GPR137C: variants seen among roughly 807,000 people sequenced by gnomAD.
GPR137C encodes the protein integral membrane protein GPR137C.
A neutral mutation model predicts 43.4 loss-of-function variants in GPR137C; 27 were observed. That is an observed-to-expected ratio of 0.62 (90% CI 0.46 to 0.86). The LOEUF is 0.86. Ranked by LOEUF, GPR137C falls within the 40% of genes least tolerant of loss-of-function variation. The pLI is 0.00. For synonymous variants in GPR137C, 285 were observed against 226.9 expected, an observed-to-expected ratio of 1.26 and a Z score of -2.30; for missense variants, 522 against 534.6, an observed-to-expected ratio of 0.98 and a Z score of 0.23.
At chr14:52,624,215 T>TTA (rs535260289) in intron 3 of GPR137C, among the ~76,000 whole-genome samples, 1 of 124,570 alleles carries the variant, frequency 8.0e-6, no homozygotes, top group Non-Finnish European at 1.7e-5. Flanking sequence ...AACCCATGGG[T>TTA]AAAAAAAAAA....
chr14:52,631,484 A>C (rs2039293672), intron 3 of GPR137C, among the ~76,000 whole-genome samples: 1 of 152,150 alleles, frequency 6.6e-6, no homozygotes, highest in African/African-American at 2.4e-5. Flanking sequence ...ATTGTATGGA[A>C]ATACAGACCC....
rs1024672873 is a variant in GPR137C at position 52,636,388 on chromosome 14, C to T, written c.*1273C>T. 6.6e-6 allele frequency: 1 copy of T among 152,012 alleles called. No homozygotes were observed. Among genetic ancestry groups the T allele is most frequent in the Non-Finnish European group, 1.5e-5 (1 of 67,954 alleles). 9.4% of individuals were successfully genotyped at this position (152,012 alleles called of 1,614,324 possible). Reference sequence around the variant, plus strand: ...TTTAAAATGCACTTTGTACCAGTGTCTATATGGAAAGAAGTAGATGCTGAA... The same window carrying T: ...TTTAAAATGCACTTTGTACCAGTGTTTATATGGAAAGAAGTAGATGCTGAA... On this transcript the variant is annotated 3_prime_UTR_variant, in exon 7 of 7. Coordinates refer to ENST00000321662, the MANE Select transcript of GPR137C (RefSeq NM_001099652.2).
chr14:52,600,020 G>A (rs1301282143), intron 2 of GPR137C, 93 bp from the exon 3 acceptor site: 3 of 790,512 alleles, frequency 3.8e-6, no homozygotes, highest in Non-Finnish European at 6.2e-6. Context: ...TCAAACTGAA[G>A]GAATTCTTGT....
intron 1 of GPR137C, among the ~76,000 whole-genome samples, chr14:52,566,544 T>TA (rs1296274985): frequency 2.0e-5 from 3 of 152,198 alleles, no homozygotes; most frequent in Non-Finnish European, 4.4e-5. Flanking sequence ...GGCATTTTTT[T>TA]AAAAAATCTA....
In GPR137C at chr14:52,553,376, C is replaced by A. The variant is rs893680209; in HGVS notation, c.229C>A (p.Arg77=). 4 of 1,604,024 alleles carry A rather than the reference C, an allele frequency of 2.5e-6. No homozygotes were observed. In the African/African-American group the frequency reaches 5.3e-5, roughly 21 times the overall value. ...GTGGCGGCTGCTCCTGTACCGCGAG[C>A]GGCGGCTGAGTTACCAGAGCCTCTG... ...QLWRLLLYRE[R]RLSYQSLCLF... The change falls in exon 1 of 7, where the codon CGG becomes AGG. Residue 77 remains arginine (R), a synonymous_variant. Transcript: ENST00000321662.
chr14:52,575,845 T>C (rs2038542112), intron 1 of GPR137C, among the ~76,000 whole-genome samples: 1 of 152,234 alleles, frequency 6.6e-6, no homozygotes, highest in Non-Finnish European at 1.5e-5. Flanking sequence ...ACTAAGTTAC[T>C]GAACTAAATT....
At position 52,637,208 on chromosome 14, in the gene GPR137C, T is replaced by C; in HGVS notation, c.*2093T>C. On this transcript the variant is annotated 3_prime_UTR_variant, in exon 7 of 7. Coordinates refer to ENST00000321662, the MANE Select transcript of GPR137C (RefSeq NM_001099652.2). ...TGTCTCCTTATACACATCTAACATA[T>C]CACCAAAGACAAATAAAGATACACT... is the stretch of plus-strand genomic sequence containing the variant. 6.6e-6 allele frequency: 1 copy of C among 152,102 alleles called. No homozygotes were observed. The highest frequency in any genetic ancestry group is 1.9e-4 in the East Asian group (1 of 5,200). 9.4% of individuals were successfully genotyped at this position (152,102 alleles called of 1,614,324 possible).
At chr14:52,603,818 T>C (rs982794566) in intron 3 of GPR137C, among the ~76,000 whole-genome samples, 1 of 152,126 alleles carries the variant, frequency 6.6e-6, no homozygotes, top group Non-Finnish European at 1.5e-5. Flanking sequence ...GGATTACAGA[T>C]GGGAGCCACT....
At chr14:52,602,223 A>G (rs189682915) in intron 3 of GPR137C, among the ~76,000 whole-genome samples, 86 of 151,986 alleles carry the variant, frequency 5.7e-4, no homozygotes, top group Admixed American at 1.4e-3. Context: ...TTTGACTTCT[A>G]TAACAGTGTA....
At chr14:52,564,776 G>C (rs574547968) in intron 1 of GPR137C, among the ~76,000 whole-genome samples, 1 of 152,098 alleles carries the variant, frequency 6.6e-6, no homozygotes, top group Non-Finnish European at 1.5e-5. Context: ...TTTAACATCT[G>C]ATGTGTATTA....
At chr14:52,570,328 C>T (rs1029478083) in intron 1 of GPR137C, among the ~76,000 whole-genome samples, 1 of 152,142 alleles carries the variant, frequency 6.6e-6, no homozygotes, top group East Asian at 1.9e-4. Flanking sequence ...GCCTGCCTTA[C>T]AAGAGCTTCT....
intron 1 of GPR137C, among the ~76,000 whole-genome samples, chr14:52,575,848 A>G (rs1185119163): frequency 6.6e-6 from 1 of 152,202 alleles, no homozygotes; most frequent in Non-Finnish European, 1.5e-5. Context: ...AAGTTACTGA[A>G]CTAAATTTCT....
Position 52,553,577 on chromosome 14 carries a change from C to G in GPR137C, c.430C>G (p.Leu144Val), listed in dbSNP as rs779935112. 1.3e-6 allele frequency: 2 copies of G among 1,569,614 alleles called. No individual in the cohort carries two copies. Among genetic ancestry groups the G allele is most frequent in the Non-Finnish European group, 1.7e-6 (2 of 1,156,436 alleles). The change falls in exon 1 of 7, where the codon CTC becomes GTC. Residue 144 changes from leucine (L) to valine (V), a missense_variant. Coordinates refer to ENST00000321662, the MANE Select transcript of GPR137C (RefSeq NM_001099652.2). The stretch of plus-strand genomic sequence containing the variant: ...GTTCTCCACGCTCTGTCTCCTCAAC[C>G]TCTACCTGGCGGAGGTAAGGCGGGA... ...LQFSTLCLLN[L>V]YLAEVICKVR...
chr14:52,605,184 G>A (rs1951452), intron 3 of GPR137C, among the ~76,000 whole-genome samples: 142,976 of 152,282 alleles, frequency 0.94, 67,159 homozygotes, highest in East Asian at 0.99. Context: ...CTTTCAATTA[G>A]TGAGCATGGG....
At chr14:52,574,225 C>T (rs996241324) in intron 1 of GPR137C, among the ~76,000 whole-genome samples, 10 of 152,044 alleles carry the variant, frequency 6.6e-5, no homozygotes, top group African/African-American at 2.4e-4. Context: ...TAGATATATA[C>T]CCAAAGGATT....
intron 3 of GPR137C, among the ~76,000 whole-genome samples, chr14:52,602,167 A>T (rs1022644563): frequency 2.0e-5 from 3 of 151,548 alleles, no homozygotes; most frequent in Admixed American, 6.6e-5. Context: ...AGAGCATGTC[A>T]TCTTGCTTTC....
rs1478889122 is a variant in GPR137C at position 52,615,901 on chromosome 14, C to G, written c.717+15560C>G. On this transcript the variant is annotated intron_variant, in intron 3 of 6. Coordinates refer to ENST00000321662, the MANE Select transcript of GPR137C (RefSeq NM_001099652.2). The stretch of plus-strand genomic sequence containing the variant: ...TTTTTCAGTATAGCACTCTCACTTG[C>G]TTTTTAAATACTAGTTATTGTAAAT... 2.0e-5 allele frequency among the ~76,000 whole-genome samples: 3 copies of G among 152,228 alleles called. No individual in the cohort carries two copies. In the East Asian group the frequency reaches 5.8e-4, roughly 29 times the overall value.
At chr14:52,592,622 C>G (rs1000850724) in intron 1 of GPR137C, among the ~76,000 whole-genome samples, 2 of 151,732 alleles carry the variant, frequency 1.3e-5, no homozygotes, top group Admixed American at 6.6e-5. Flanking sequence ...TCATGATTTG[C>G]CTCTCTGTTT....
At chr14:52,565,227 A>G (rs1346492986) in intron 1 of GPR137C, among the ~76,000 whole-genome samples, 2 of 152,238 alleles carry the variant, frequency 1.3e-5, no homozygotes, top group African/African-American at 2.4e-5. Context: ...CTAATACCGA[A>G]TAAGCTAAGC....
Sources: gnomAD v4.1 joint callset for allele counts (sites outside exome capture counted in the v4.1 genomes callset) on GRCh38, gnomAD v4.1.1 for gene constraint, MANE v1.5 for transcripts, NCBI Gene and HGNC (gene_info 2026-07-23, HGNC 2026-07-21) for gene names.